ASAP1: variants seen among roughly 807,000 people sequenced by gnomAD.
The protein encoded by ASAP1 is ArfGAP with SH3 domain, ankyrin repeat and PH domain 1.
A neutral mutation model predicts 145.2 loss-of-function variants in ASAP1; 43 were observed. The observed-to-expected ratio is 0.30, with a 90% confidence interval of 0.23 to 0.38. The LOEUF (loss-of-function observed/expected upper bound fraction) is 0.38. Ranked by LOEUF, ASAP1 falls within the 10% of genes least tolerant of loss-of-function variation. ASAP1 has a pLI of 1.00. For synonymous variants in ASAP1, 546 were observed against 515.5 expected (o/e 1.06, Z -0.80); for missense variants, 1,018 against 1,355.3 (o/e 0.75, Z 3.91).
intron 1 of ASAP1, among the ~76,000 whole-genome samples, chr8:130,408,926 C>T (rs1463067361): frequency 6.6e-6 from 1 of 152,140 alleles, no homozygotes; most frequent in Middle Eastern, 3.2e-3. Context: ...CAAACACACC[C>T]CATTTGGTAT....
At chr8:130,099,680 CTTTT>C (rs57950334) in intron 24 of ASAP1, among the ~76,000 whole-genome samples, 2 of 100,220 alleles carry the variant, frequency 2.0e-5, no homozygotes, top group African/African-American at 3.7e-5. Flanking sequence ...GGATTTCATT[CTTTT>C]TTTTTTTTTT....
At chr8:130,128,169 C>CTTTTTTT (rs2097578065) in intron 15 of ASAP1, 79 bp from the exon 16 acceptor site, 1 of 609,048 alleles carries the variant, frequency 1.6e-6, no homozygotes, top group Non-Finnish European at 2.0e-6. Context: ...TTTTTTGCCA[C>CTTTTTTT]TGCAAAAAAA....
intron 9 of ASAP1, 87 bp from the exon 10 acceptor site, chr8:130,169,154 T>C (rs1237168917): frequency 2.1e-5 from 16 of 775,322 alleles, no homozygotes; most frequent in Non-Finnish European, 2.5e-5. Flanking sequence ...AAAGGAACTA[T>C]AATAACCTAC....
At chr8:130,437,907 T>G (rs114399318) in intron 1 of ASAP1, among the ~76,000 whole-genome samples, 42,476 of 151,794 alleles carry the variant, frequency 0.28, 6,102 homozygotes, top group Non-Finnish European at 0.32. Context: ...TGGAGGGACA[T>G]ACTTACTTTT....
intron 4 of ASAP1, among the ~76,000 whole-genome samples, chr8:130,215,692 C>G (rs1230943954): frequency 6.6e-6 from 1 of 151,910 alleles, no homozygotes; most frequent in African/African-American, 2.4e-5. Context: ...TGCAGTGAGC[C>G]GAGACCGCGT....
At chr8:130,330,941 T>A (rs559430831) in intron 3 of ASAP1, among the ~76,000 whole-genome samples, 1 of 152,334 alleles carries the variant, frequency 6.6e-6, no homozygotes, top group East Asian at 1.9e-4. Context: ...CTAGCCTTTT[T>A]TTCTCAGTAG....
chr8:130,231,411 AT>A (rs546890955), intron 4 of ASAP1, among the ~76,000 whole-genome samples: 1 of 152,316 alleles, frequency 6.6e-6, no homozygotes, highest in South Asian at 2.1e-4. Context: ...GCCCAGAAAT[AT>A]TAAAGGATTT....
At chr8:130,139,733 T>C (rs1586419108) in intron 13 of ASAP1, among the ~76,000 whole-genome samples, 3 of 148,684 alleles carry the variant, frequency 2.0e-5, no homozygotes, top group South Asian at 2.1e-4. Flanking sequence ...CAAGACTCCA[T>C]CTCAAAAAAA....
chr8:130,295,084 C>T (rs1043456739), intron 3 of ASAP1, among the ~76,000 whole-genome samples: 1 of 151,946 alleles, frequency 6.6e-6, no homozygotes, highest in African/African-American at 2.4e-5. Context: ...GGCAATATAG[C>T]GCAACCCAGT....
At chr8:130,349,897 C>CTTACTCATGT (rs978571459) in intron 3 of ASAP1, among the ~76,000 whole-genome samples, 16 of 152,296 alleles carry the variant, frequency 1.1e-4, no homozygotes, top group East Asian at 3.9e-4. Context: ...AGCCCCAAAC[C>CTTACTCATGT]TTACTCATGT....
At chr8:130,336,146 A>C (rs543922463) in intron 3 of ASAP1, among the ~76,000 whole-genome samples, 1 of 152,364 alleles carries the variant, frequency 6.6e-6, no homozygotes, top group African/African-American at 2.4e-5. Flanking sequence ...GAAAACAATC[A>C]TATCACCCAA....
In ASAP1 at chr8:130,431,478, C is replaced by G. The variant is rs530267817; in HGVS notation, c.-28+11982G>C. Among the ~76,000 whole-genome samples, 7 of 152,342 alleles carry G rather than the reference C, an allele frequency of 4.6e-5. No homozygotes were observed. In the East Asian group the frequency reaches 1.3e-3, roughly 29 times the overall value. ...TCCAGCACATACTGTGCTATTGGTA[C>G]CATTCACATCCTTGCTGAGGCTCCC... On this transcript the variant is annotated intron_variant, in intron 1 of 29. Transcript: ENST00000518721.
chr8:130,135,288 C>A (rs140353825), intron 14 of ASAP1, among the ~76,000 whole-genome samples: 2 of 152,134 alleles, frequency 1.3e-5, no homozygotes, highest in Non-Finnish European at 2.9e-5. Context: ...CCTAGGAGTT[C>A]GAGACCAGCT....
intron 6 of ASAP1, 93 bp from the exon 7 acceptor site, chr8:130,187,378 CTT>C: frequency 2.9e-6 from 3 of 1,050,328 alleles, no homozygotes; most frequent in Non-Finnish European, 4.3e-6. Flanking sequence ...GAATTGTTTC[CTT>C]TATAGGACAC....
chr8:130,214,970 G>A (rs938798665), intron 4 of ASAP1, among the ~76,000 whole-genome samples: 5 of 151,480 alleles, frequency 3.3e-5, no homozygotes, highest in Admixed American at 6.6e-5. Context: ...GCACAATCTC[G>A]GCTCACTGCA....
chr8:130,350,710 T>G (rs537177805), intron 3 of ASAP1, among the ~76,000 whole-genome samples: 2 of 152,240 alleles, frequency 1.3e-5, no homozygotes, highest in Non-Finnish European at 2.9e-5. Context: ...GGCTTTCAGG[T>G]TGGCAAACGC....
chr8:130,245,275 C>T (rs1257327447), intron 3 of ASAP1, among the ~76,000 whole-genome samples: 1 of 152,134 alleles, frequency 6.6e-6, no homozygotes, highest in Non-Finnish European at 1.5e-5. Context: ...TTTATCTGTG[C>T]TGTTTTAGAC....
At chr8:130,055,262 C>T (rs541967118) in intron 29 of ASAP1, among the ~76,000 whole-genome samples, 72 of 151,480 alleles carry the variant, frequency 4.8e-4, no homozygotes, top group Non-Finnish European at 9.4e-4. Context: ...AAAGAAAATC[C>T]CTTCTCTCCA....
chr8:130,210,991 G>A (rs1816544847), intron 5 of ASAP1, among the ~76,000 whole-genome samples: 1 of 152,100 alleles, frequency 6.6e-6, no homozygotes, highest in East Asian at 1.9e-4. Flanking sequence ...TTTATTTTTA[G>A]AGACAAGGAA....
Sources: gnomAD v4.1 joint callset for allele counts (sites outside exome capture counted in the v4.1 genomes callset) on GRCh38, gnomAD v4.1.1 for gene constraint, MANE v1.5 for transcripts, NCBI Gene and HGNC (gene_info 2026-07-23, HGNC 2026-07-21) for gene names.